MYOM1: variants seen among roughly 807,000 people sequenced by gnomAD.
MYOM1 encodes myomesin 1.
A neutral mutation model predicts 205.3 loss-of-function variants in MYOM1; 164 were observed. That is an observed-to-expected ratio of 0.80 (90% CI 0.70 to 0.91). MYOM1 has a LOEUF of 0.91. Ranked by LOEUF, MYOM1 falls within the 40% of genes least tolerant of loss-of-function variation. The pLI is 0.00. For missense variants in MYOM1, 2,011 were observed against 2,127.3 expected, an observed-to-expected ratio of 0.95 and a Z score of 1.08; for synonymous variants, 772 against 789.4, an observed-to-expected ratio of 0.98 and a Z score of 0.37.
chr18:3,173,573 C>CGTGTGTGTGTGTGTGTGTGTGT (rs71159051), intron 8 of MYOM1, among the ~76,000 whole-genome samples: 1 of 136,914 alleles, frequency 7.3e-6, no homozygotes, highest in African/African-American at 2.7e-5. Context: ...AGTCCAGACT[C>CGTGTGTGTGTGTGTGTGTGTGT]GTGTGTGTGT....
chr18:3,067,905 G>T (rs1252751555), intron 37 of MYOM1, among the ~76,000 whole-genome samples: 1 of 151,994 alleles, frequency 6.6e-6, no homozygotes, highest in African/African-American at 2.4e-5. Flanking sequence ...GGCATTTTGG[G>T]TTCTGTCTCG....
chr18:3,084,217 C>A (rs1270167060), intron 31 of MYOM1, among the ~76,000 whole-genome samples, 190 bp from the exon 32 acceptor site: 1 of 151,978 alleles, frequency 6.6e-6, no homozygotes. Flanking sequence ...TTAAAAGATC[C>A]CTGCTTATTT....
At position 3,212,300 on chromosome 18, in the gene MYOM1, C is replaced by T. The variant is rs148797747; in HGVS notation, c.290+2634G>A. Among the ~76,000 whole-genome samples the T allele has an allele frequency of 8.4e-4, 128 of 152,208 alleles. 2 individuals carry two copies. The highest frequency in any genetic ancestry group is 2.9e-3 in the African/African-American group (120 of 41,552). The stretch of plus-strand genomic sequence containing the variant: ...AAGGAAAAAGTAATGAGTTTGAACA[C>T]AGAAAAATAATTACAGTTCCATTCC... On this transcript the variant is annotated intron_variant, in intron 2 of 37. Coordinates refer to ENST00000356443, the MANE Select transcript of MYOM1 (RefSeq NM_003803.4).
the MYOM1 span, among the ~76,000 whole-genome samples, chr18:3,229,313 T>C: frequency 6.6e-6 from 1 of 151,728 alleles, no homozygotes; most frequent in Non-Finnish European, 1.5e-5. Context: ...ATTAACTCCA[T>C]ATCTCTGGCA....
intron 18 of MYOM1, 37 bp downstream of exon 18, chr18:3,129,195 G>A (rs746020108): frequency 9.4e-6 from 15 of 1,592,700 alleles, no homozygotes; most frequent in Non-Finnish European, 1.2e-5. Flanking sequence ...GACAGTGATG[G>A]AGACGGATGG....
At position 3,154,963 on chromosome 18, in the gene MYOM1, C is replaced by T. The variant is rs370063864; in HGVS notation, c.1627G>A (p.Gly543Arg). ...AGCACTAACTTATCAATAAAATATC[C>T]GAGAATAGGACTCCCTCCATCGACA... ...PAVDGGSPIL[G>R]YFIDKCEVGT... Residue 543 changes from glycine (G) to arginine (R), a missense_variant, in exon 11 of 38, where the codon GGA (glycine) becomes AGA (arginine). Coordinates refer to ENST00000356443, the MANE Select transcript of MYOM1 (RefSeq NM_003803.4). 53 of 1,611,476 alleles carry T rather than the reference C, an allele frequency of 3.3e-5. No individual in the cohort carries two copies. In the African/African-American group the frequency reaches 4.4e-4, roughly 13 times the overall value.
chr18:3,102,676 A>G lies in MYOM1; in HGVS notation c.3419-46T>C, dbSNP rs150189542. The G allele has an allele frequency of 5.7e-5, 90 of 1,576,772 alleles. 1 individual carries two copies. In the Middle Eastern group the frequency reaches 3.2e-3, roughly 57 times the overall value. ...CACTGATACTTCGTGGAGGAAAGCA[A>G]CCAAGTAAGAATTTGTTACCTTGAG... On this transcript the variant is annotated intron_variant, in intron 22 of 37. Coordinates refer to ENST00000356443, the MANE Select transcript of MYOM1 (RefSeq NM_003803.4).
chr18:3,072,975 T>A (rs1213434754), intron 36 of MYOM1, among the ~76,000 whole-genome samples: 7 of 134,758 alleles, frequency 5.2e-5, no homozygotes, highest in African/African-American at 2.2e-4. Context: ...ATGTAAGCAT[T>A]TTTTTTTTTT....
chr18:3,080,183 G>A (rs1433696501), intron 33 of MYOM1, among the ~76,000 whole-genome samples: 1 of 151,984 alleles, frequency 6.6e-6, no homozygotes, highest in South Asian at 2.1e-4. Context: ...ATAAAATGAC[G>A]TTATTATAGT....
chr18:3,216,345 CT>C (rs1164766181), intron 1 of MYOM1, among the ~76,000 whole-genome samples: 18 of 152,182 alleles, frequency 1.2e-4, no homozygotes, highest in African/African-American at 4.3e-4. Context: ...TTGTACAGAA[CT>C]GTACAGTCTA....
Position 3,067,483 on chromosome 18 carries a change from G to A in MYOM1, c.4837C>T (p.Leu1613=). The A allele has an allele frequency of 6.2e-7, 1 of 1,613,810 alleles. No individual in the cohort carries two copies. Among genetic ancestry groups the A allele is most frequent in the Non-Finnish European group, 8.5e-7 (1 of 1,179,896 alleles). ...EVSWLKNEKA[L]ASDDHCNLKF... ...AGGTTGCAGTGGTCGTCTGAGGCCA[G>A]GGCCTTCTCGTTCTTCAACCACGAC... Residue 1613 remains leucine, a synonymous_variant, in exon 38 of 38, where the codon CTG becomes TTG. Coordinates refer to ENST00000356443, the MANE Select transcript of MYOM1 (RefSeq NM_003803.4).
Position 3,067,187 on chromosome 18 carries a change from G to T in MYOM1, c.*75C>A. 6.9e-7 allele frequency: 1 copy of T among 1,439,544 alleles called. No homozygotes were observed. The allele number at this position is 1,439,544 out of a possible 1,614,324, so 89.2% of individuals were successfully genotyped here. A position where few individuals can be genotyped will look rare whatever the true frequency, so the allele number is the denominator to read the frequency against. On this transcript the variant is annotated 3_prime_UTR_variant, in exon 38 of 38. Coordinates refer to ENST00000356443, the MANE Select transcript of MYOM1 (RefSeq NM_003803.4). ...GAAAATAATAGGGAGGAGAAAGCAT[G>T]AAGACGTCTCATCCTTAACCCAAAC... is the stretch of plus-strand genomic sequence containing the variant.
At chr18:3,117,681 A>G (rs985647642) in intron 20 of MYOM1, among the ~76,000 whole-genome samples, 87 of 152,034 alleles carry the variant, frequency 5.7e-4, no homozygotes, top group African/African-American at 2.0e-3. Flanking sequence ...TTAAATAACA[A>G]CTGACATCTA....
chr18:3,119,126 C>T (rs1375439846), intron 20 of MYOM1, among the ~76,000 whole-genome samples: 1 of 152,140 alleles, frequency 6.6e-6, no homozygotes, highest in Non-Finnish European at 1.5e-5. Context: ...CCCCCAGCCC[C>T]ATCCTCGCCC....
intron 7 of MYOM1, 51 bp downstream of exon 7, chr18:3,174,069 A>AT: frequency 6.3e-7 from 1 of 1,594,296 alleles, no homozygotes; most frequent in African/African-American, 1.5e-5. Flanking sequence ...ATGGGAAGAA[A>AT]TTTTTAAAAA....
At chr18:3,116,719 G>A (rs1309231552) in intron 20 of MYOM1, among the ~76,000 whole-genome samples, 2 of 152,138 alleles carry the variant, frequency 1.3e-5, no homozygotes, top group Non-Finnish European at 2.9e-5. Context: ...GTCCCTTTAA[G>A]GGTGGCAGGT....
Position 3,189,622 on chromosome 18 carries a change from A to C in MYOM1, c.432-535T>G, listed in dbSNP as rs1296772192. Among the ~76,000 whole-genome samples, 1 of 152,180 alleles carries C rather than the reference A, an allele frequency of 6.6e-6. No homozygotes were observed. Among genetic ancestry groups the C allele is most frequent in the Non-Finnish European group, 1.5e-5 (1 of 68,026 alleles). ...TGATCCACCAGCCTTGGCCTCCCAA[A>C]GTGCTGGGATTACAGGCATGATCCA... On this transcript the variant is annotated intron_variant, in intron 3 of 37. Transcript: ENST00000356443. The surrounding 1 kb of genome is among the most constrained non-coding windows in gnomAD (Gnocchi z 4.8).
intron 29 of MYOM1, among the ~76,000 whole-genome samples, 186 bp downstream of exon 29, chr18:3,088,988 A>G (rs901617357): frequency 1.3e-5 from 2 of 152,230 alleles, no homozygotes; most frequent in Non-Finnish European, 2.9e-5. Flanking sequence ...TTGCCTTGTC[A>G]TATTTTATGT....
At chr18:3,124,495 A>AT (rs564836189) in intron 19 of MYOM1, among the ~76,000 whole-genome samples, 1 of 150,760 alleles carries the variant, frequency 6.6e-6, no homozygotes, top group Non-Finnish European at 1.5e-5. Context: ...CGCCCGGCTA[A>AT]TTTTTTTGTA....
Sources: gnomAD v4.1 joint callset for allele counts (sites outside exome capture counted in the v4.1 genomes callset) on GRCh38, gnomAD v4.1.1 for gene constraint, Gnocchi (gnomAD v3.1) non-coding constraint, MANE v1.5 for transcripts, NCBI Gene and HGNC (gene_info 2026-07-23, HGNC 2026-07-21) for gene names.